Variants in BMPR2 observed in about 807,000 individuals in gnomAD.
The protein encoded by BMPR2 is bone morphogenetic protein receptor type-2.
Under a neutral mutation model 100.8 loss-of-function variants are expected in BMPR2, and 29 were observed. The observed-to-expected ratio is 0.29, with a 90% CI of 0.21 to 0.39. The LOEUF is 0.39. Ranked by LOEUF, BMPR2 falls within the 10% of genes least tolerant of loss-of-function variation. BMPR2 has a pLI of 1.00. For synonymous variants in BMPR2, 382 were observed against 442.3 expected, an observed-to-expected ratio of 0.86 and a Z score of 1.71; for missense variants, 1,011 against 1,274.5, an observed-to-expected ratio of 0.79 and a Z score of 3.15.
At position 202,530,837 on chromosome 2, in the gene BMPR2, A is replaced by T. The variant is rs774780428; in HGVS notation, c.1011A>T (p.Arg337Ser). The part of the protein sequence containing the change: ...PAISHRDLNS[R>S]NVLVKNDGTC... ...TTTCCCATCGAGATTTAAACAGCAG[A>T]AATGTCCTAGTGAAAAATGATGGAA... The change falls in exon 8 of 13, where the codon AGA (arginine) becomes AGT (serine). Residue 337 changes from arginine (R) to serine (S), a missense_variant. Around this residue, in one of 6 missense-constraint regions of BMPR2, gnomAD observed 355 missense variants for 455.3 expected, o/e 0.78. Transcript: ENST00000374580. The T allele has an allele frequency of 6.2e-7, 1 of 1,613,956 alleles. No individual in the cohort carries two copies. The highest frequency in any genetic ancestry group is 1.1e-5 in the South Asian group (1 of 91,076).
intron 1 of BMPR2, among the ~76,000 whole-genome samples, chr2:202,380,384 TTAATC>T (rs754060077): frequency 1.3e-4 from 20 of 152,192 alleles, no homozygotes; most frequent in Non-Finnish European, 2.6e-4. Context: ...TAAAGTAAGA[TTAATC>T]TAATGTTAGT....
At position 202,519,127 on chromosome 2, in the gene BMPR2, T is replaced by TAAGGCAGGTGGATCACTTGAGGCC. The variant is rs1325683164; in HGVS notation, c.852+79_852+102dup. On this transcript the variant is annotated intron_variant, in intron 6 of 12. Coordinates refer to ENST00000374580, the MANE Select transcript of BMPR2 (RefSeq NM_001204.7). ...CTGTAATCCCAGCACTTTTGGAGGCTAAGGCAGGTGGATCACTTGAGGCCA... is the reference window on the plus strand; with the variant it reads ...CTGTAATCCCAGCACTTTTGGAGGCTAAGGCAGGTGGATCACTTGAGGCCAAGGCAGGTGGATCACTTGAGGCCA... The TAAGGCAGGTGGATCACTTGAGGCC allele has an allele frequency of 2.7e-6, 4 of 1,461,686 alleles. No individual in the cohort carries two copies. In the African/African-American group the frequency reaches 5.6e-5, roughly 20 times the overall value. The allele number at this position is 1,461,686 out of a possible 1,614,324, so 90.5% of individuals were successfully genotyped here. A position where few individuals can be genotyped will look rare whatever the true frequency, so the allele number is the denominator to read the frequency against.
chr2:202,565,752 C>T lies in BMPR2; in HGVS notation c.*5806C>T, dbSNP rs1254603651. ...ATTATCTATGGACATTTTTGTAGAC[C>T]ACTTTTGAAATACTTATTATTTTGC... On this transcript the variant is annotated 3_prime_UTR_variant, in exon 13 of 13. Transcript: ENST00000374580. 1 of 152,256 alleles carries T rather than the reference C, an allele frequency of 6.6e-6. No individual in the cohort carries two copies. Among genetic ancestry groups the T allele is most frequent in the East Asian group, 1.9e-4 (1 of 5,200 alleles). 9.4% of individuals were successfully genotyped at this position (152,256 alleles called of 1,614,324 possible).
chr2:202,431,209 A>G (rs1691496559), intron 1 of BMPR2, among the ~76,000 whole-genome samples: 1 of 150,590 alleles, frequency 6.6e-6, no homozygotes, highest in South Asian at 2.1e-4. Flanking sequence ...TTTTGCATAT[A>G]TTTTATTGTC....
At chr2:202,448,144 C>CT (rs138944076) in intron 1 of BMPR2, among the ~76,000 whole-genome samples, 24,688 of 143,076 alleles carry the variant, frequency 0.17, 2,662 homozygotes, top group Middle Eastern at 0.24. Context: ...AAGTATTTGA[C>CT]TTTTTTTTTT....
At chr2:202,526,547 T>C (rs890568821) in intron 7 of BMPR2, among the ~76,000 whole-genome samples, 1 of 152,270 alleles carries the variant, frequency 6.6e-6, no homozygotes, top group Non-Finnish European at 1.5e-5. Flanking sequence ...CTTGATGCAC[T>C]TGCTGTAGTG....
chr2:202,467,631 A>G lies in BMPR2; in HGVS notation c.360A>G (p.Thr120=). The G allele has an allele frequency of 6.2e-7, 1 of 1,612,060 alleles. No individual in the cohort carries two copies. Among genetic ancestry groups the G allele is most frequent in the Non-Finnish European group, 8.5e-7 (1 of 1,178,056 alleles). The change falls in exon 3 of 13, where the codon ACA becomes ACG. Residue 120 remains threonine (T), a synonymous_variant. Coordinates refer to ENST00000374580, the MANE Select transcript of BMPR2 (RefSeq NM_001204.7). ...CATACCGTTTCTGCTGTTGTAGCAC[A>G]GATTTATGTAATGTCAACTTTACTG... ...NGTYRFCCCS[T]DLCNVNFTEN...
In BMPR2 at chr2:202,518,949, CT is replaced by C. The variant is rs1334678474; in HGVS notation, c.752del (p.Leu251Ter). On this transcript the variant is annotated frameshift_variant, in exon 6 of 13. Coordinates refer to ENST00000374580, the MANE Select transcript of BMPR2 (RefSeq NM_001204.7). LOFTEE classifies it high-confidence loss of function. Reference protein sequence around the residue: ...FINEKNIYRVPLMEHDNIARF... With the variant: ...FINEKNIYRVXLMEHDNIARF... Reference sequence around the variant, plus strand: ...AACGAAAAGAACATTTACAGAGTGCCTTTGATGGAACATGACAACATTGCCC... The same window carrying C: ...AACGAAAAGAACATTTACAGAGTGCCTTGATGGAACATGACAACATTGCCC... 1 of 1,614,160 alleles carries C rather than the reference CT, an allele frequency of 6.2e-7. No homozygotes were observed. Among genetic ancestry groups the C allele is most frequent in the Non-Finnish European group, 8.5e-7 (1 of 1,180,048 alleles).
intron 7 of BMPR2, among the ~76,000 whole-genome samples, chr2:202,527,866 C>G (rs1368221268): frequency 1.3e-5 from 2 of 151,928 alleles, no homozygotes; most frequent in African/African-American, 2.4e-5. Context: ...TCTTGACTTA[C>G]AATGGGATTA....
At chr2:202,464,507 T>G (rs1692280705) in intron 1 of BMPR2, among the ~76,000 whole-genome samples, 1 of 152,208 alleles carries the variant, frequency 6.6e-6, no homozygotes, top group Non-Finnish European at 1.5e-5. Context: ...TTTTCTTTGA[T>G]GATATTTTTT....
chr2:202,457,561 T>TATATATAG (rs750336398), intron 1 of BMPR2, among the ~76,000 whole-genome samples: 2 of 94,842 alleles, frequency 2.1e-5, no homozygotes, highest in Non-Finnish European at 4.0e-5. Flanking sequence ...TATATATATA[T>TATATATAG]AGAGAGAGAG....
At chr2:202,484,793 C>A (rs1255069883) in intron 3 of BMPR2, among the ~76,000 whole-genome samples, 1 of 150,380 alleles carries the variant, frequency 6.6e-6, no homozygotes, top group East Asian at 2.0e-4. Flanking sequence ...GGTGAAACCC[C>A]GTCTCTACTA....
chr2:202,530,096 T>G (rs941603675), intron 7 of BMPR2, among the ~76,000 whole-genome samples: 2 of 152,188 alleles, frequency 1.3e-5, no homozygotes, highest in African/African-American at 4.8e-5. Flanking sequence ...CCTTTTAAAG[T>G]CAGGTGAAAG....
chr2:202,447,158 A>C (rs1016566613), intron 1 of BMPR2, among the ~76,000 whole-genome samples: 1 of 149,580 alleles, frequency 6.7e-6, no homozygotes, highest in Non-Finnish European at 1.5e-5. Flanking sequence ...ATACAAAAAA[A>C]TTAGCTGGAC....
intron 7 of BMPR2, among the ~76,000 whole-genome samples, chr2:202,527,421 G>C (rs1687935520): frequency 6.6e-6 from 1 of 151,878 alleles, no homozygotes; most frequent in Admixed American, 6.6e-5. Flanking sequence ...CTGGGAGGCA[G>C]AGGTTGCAGT....
intron 9 of BMPR2, among the ~76,000 whole-genome samples, chr2:202,535,954 A>G (rs1292088433): frequency 3.3e-5 from 5 of 151,230 alleles, no homozygotes; most frequent in East Asian, 2.0e-4. Context: ...CGTGCCTGCA[A>G]TCGCAGGCAC....
intron 3 of BMPR2, among the ~76,000 whole-genome samples, chr2:202,478,269 A>AAT (rs1357046828): frequency 6.6e-6 from 1 of 152,192 alleles, no homozygotes; most frequent in Admixed American, 6.6e-5. Context: ...CTTCAGGAGA[A>AAT]ATACGTGTGT....
chr2:202,430,632 G>A (rs762884619), intron 1 of BMPR2, among the ~76,000 whole-genome samples: 6 of 151,982 alleles, frequency 3.9e-5, no homozygotes, highest in Non-Finnish European at 8.8e-5. Flanking sequence ...TGGGTCCTTT[G>A]GTTATATATA....
At chr2:202,424,371 C>G (rs1250563104) in intron 1 of BMPR2, among the ~76,000 whole-genome samples, 9 of 118,074 alleles carry the variant, frequency 7.6e-5, no homozygotes, top group Non-Finnish European at 1.6e-4. Context: ...AGGACTTCGT[C>G]TGAAGAAAAA....
Sources: allele counts gnomAD v4.1 joint callset (sites outside exome capture counted in the v4.1 genomes callset), GRCh38; gene constraint gnomAD v4.1.1; regional missense constraint gnomAD v4.1.1; transcripts MANE v1.5; gene names NCBI Gene and HGNC (gene_info 2026-07-23, HGNC 2026-07-21).